Variants in TGM3 observed in about 807,000 individuals in gnomAD.
TGM3 encodes the protein protein-glutamine gamma-glutamyltransferase E.
Under a neutral mutation model 73.8 loss-of-function variants are expected in TGM3, and 52 were observed. The ratio of observed to expected loss-of-function variants is 0.70; its 90% CI spans 0.56 to 0.89. TGM3 has a LOEUF of 0.89. Ranked by LOEUF, TGM3 falls within the 40% of genes least tolerant of loss-of-function variation. The probability of loss-of-function intolerance (pLI) is 0.00; values close to 1 mark genes in which losing one functional copy is unlikely to be tolerated. For synonymous variants in TGM3, 372 were observed against 354.9 expected, an observed-to-expected ratio of 1.05 and a Z score of -0.54; for missense variants, 928 against 909.9, an observed-to-expected ratio of 1.02 and a Z score of -0.26.
At position 2,340,305 on chromosome 20, in the gene TGM3, C is replaced by T. The variant is rs1169584684; in HGVS notation, c.1935-129C>T. 25 of 1,375,830 alleles carry T rather than the reference C, an allele frequency of 1.8e-5. No individual in the cohort carries two copies. In the East Asian group the frequency reaches 5.1e-4, roughly 28 times the overall value. 85.2% of individuals were successfully genotyped at this position (1,375,830 alleles called of 1,614,324 possible). ...GGGGCCCCGTAACCCAGAGAGACAG[C>T]TAGAGGGAGCTAAAGAAGCAGTGGC... On this transcript the variant is annotated intron_variant, in intron 12 of 12. Coordinates refer to ENST00000381458, the MANE Select transcript of TGM3 (RefSeq NM_003245.4).
intron 8 of TGM3, among the ~76,000 whole-genome samples, chr20:2,327,652 T>G (rs1195184008): frequency 6.6e-6 from 1 of 152,152 alleles, no homozygotes. Context: ...CTAAGCTTCC[T>G]ATGCTGAGTG....
chr20:2,299,202 G>C (rs1345875650), intron 1 of TGM3, among the ~76,000 whole-genome samples: 3 of 151,972 alleles, frequency 2.0e-5, no homozygotes, highest in African/African-American at 7.3e-5. Flanking sequence ...TCCACCTCAT[G>C]GGTGCTTACG....
At position 2,340,439 on chromosome 20, in the gene TGM3, C is replaced by G. The variant is rs200294064; in HGVS notation, c.1940C>G (p.Pro647Arg). The G allele has an allele frequency of 3.7e-5, 59 of 1,613,980 alleles. No homozygotes were observed. In the Admixed American group the frequency reaches 9.7e-4, roughly 26 times the overall value. ...LLLGNLKIDV[P>R]TLGPKEGSRV... ...ATCTGTGCCCTCCCCATCAGCGTGCCGACCCTAGGGCCCAAGGAGGGGTCC... is the reference window on the plus strand; with the variant it reads ...ATCTGTGCCCTCCCCATCAGCGTGCGGACCCTAGGGCCCAAGGAGGGGTCC... Residue 647 changes from proline (P) to arginine (R), a missense_variant, in exon 13 of 13, where the codon CCG (proline) becomes CGG (arginine). Pro to Arg is a moderately radical substitution (Grantham distance 103). Transcript: ENST00000381458.
chr20:2,339,925 G>C lies in TGM3; in HGVS notation c.1872G>C (p.Pro624=), dbSNP rs141024326. The C allele has an allele frequency of 2.8e-5, 45 of 1,613,766 alleles. No homozygotes were observed. In the African/African-American group the frequency reaches 5.6e-4, roughly 20 times the overall value. The change falls in exon 12 of 13, where the codon CCG becomes CCC. Residue 624 remains proline (P), a synonymous_variant. Coordinates refer to ENST00000381458, the MANE Select transcript of TGM3 (RefSeq NM_003245.4). The part of the protein sequence containing the change: ...QMLFSNPLDE[P]VRDCVLMVEG... ...TCTTCTCCAATCCACTGGATGAGCC[G>C]GTGAGGGACTGCGTGCTGATGGTGG...
At chr20:2,316,986 C>A in intron 5 of TGM3, 82 bp from the exon 6 acceptor site, 1 of 1,524,358 alleles carries the variant, frequency 6.6e-7, no homozygotes, top group Non-Finnish European at 9.0e-7. Flanking sequence ...ATCTCCCCAC[C>A]TTGTCCTCTG....
At chr20:2,336,391 C>T (rs1600710055) in intron 11 of TGM3, among the ~76,000 whole-genome samples, 1 of 152,112 alleles carries the variant, frequency 6.6e-6, no homozygotes, top group Non-Finnish European at 1.5e-5. Flanking sequence ...CTGTACCCAC[C>T]GTCTGCCCCA....
chr20:2,339,748 C>G, intron 11 of TGM3, 106 bp from the exon 12 acceptor site: 2 of 1,487,446 alleles, frequency 1.3e-6, no homozygotes, highest in South Asian at 2.4e-5. Flanking sequence ...TCTTCATCCT[C>G]AGTGACATCA....
intron 9 of TGM3, among the ~76,000 whole-genome samples, chr20:2,329,933 G>A (rs1483912463): frequency 6.6e-6 from 1 of 152,084 alleles, no homozygotes; most frequent in African/African-American, 2.4e-5. Context: ...TATTTTGCAG[G>A]CGCTGCTTAC....
intron 4 of TGM3, among the ~76,000 whole-genome samples, chr20:2,312,333 G>C (rs1447328135): frequency 1.4e-5 from 2 of 139,158 alleles, no homozygotes; most frequent in Admixed American, 1.7e-4. Flanking sequence ...GGAGGTGGAG[G>C]TCACGATGAG....
In TGM3 at chr20:2,335,194, C is replaced by T. The variant is rs549533086; in HGVS notation, c.1721C>T (p.Ala574Val). 36 of 1,614,226 alleles carry T rather than the reference C, an allele frequency of 2.2e-5. No homozygotes were observed. The highest frequency in any genetic ancestry group is 2.2e-4 in the South Asian group (20 of 91,084). ...TCAGACAACATGATCCGGATCACAG[C>T]GGTGTGCAAGGTCCCAGATGAGTCT... Reference protein sequence around the residue: ...LKSDNMIRITAVCKVPDESEV... With the variant: ...LKSDNMIRITVVCKVPDESEV... The change falls in exon 11 of 13, where the codon GCG (alanine) becomes GTG (valine). Residue 574 changes from alanine (A) to valine (V), a missense_variant. Physicochemically the swap from Ala to Val is moderately conservative, Grantham distance 64. Transcript: ENST00000381458.
chr20:2,340,033 CGGG>C, intron 12 of TGM3, 46 bp downstream of exon 12: 5 of 196,586 alleles, frequency 2.5e-5, no homozygotes, highest in Non-Finnish European at 4.8e-5. Context: ...CGGGAGGGGG[CGGG>C]GGGGCCCTCC....
intron 5 of TGM3, among the ~76,000 whole-genome samples, chr20:2,313,884 A>T (rs2122223907): frequency 6.6e-6 from 1 of 152,172 alleles, no homozygotes; most frequent in African/African-American, 2.4e-5. Context: ...AAAAAAAACT[A>T]GCCAGGCATA....
chr20:2,314,624 G>T (rs2084224005), intron 5 of TGM3, among the ~76,000 whole-genome samples: 1 of 151,772 alleles, frequency 6.6e-6, no homozygotes, highest in African/African-American at 2.4e-5. Context: ...GGGAGGCTGA[G>T]CTGGGGGAAT....
intron 5 of TGM3, among the ~76,000 whole-genome samples, chr20:2,316,182 A>G (rs1193334418): frequency 2.0e-5 from 3 of 152,252 alleles, no homozygotes; most frequent in African/African-American, 7.2e-5. Flanking sequence ...AATTGAATAA[A>G]TGAATGAGTA....
At chr20:2,320,404 G>A (rs1478616362) in intron 7 of TGM3, among the ~76,000 whole-genome samples, 1 of 152,160 alleles carries the variant, frequency 6.6e-6, no homozygotes, top group African/African-American at 2.4e-5. Flanking sequence ...ATTTTTCATG[G>A]ATGAGAAAAC....
intron 7 of TGM3, among the ~76,000 whole-genome samples, chr20:2,322,289 TG>T (rs2084266552): frequency 6.6e-6 from 1 of 152,196 alleles, no homozygotes; most frequent in Non-Finnish European, 1.5e-5. Context: ...CTTTTCTCTC[TG>T]AGTTATTGTT....
chr20:2,311,990 G>C (rs1294409617), intron 4 of TGM3, among the ~76,000 whole-genome samples: 1 of 152,210 alleles, frequency 6.6e-6, no homozygotes, highest in African/African-American at 2.4e-5. Flanking sequence ...TTCTCAGTTT[G>C]AGAAGCAATG....
chr20:2,321,142 G>A (rs545840469), intron 7 of TGM3, among the ~76,000 whole-genome samples: 1 of 152,296 alleles, frequency 6.6e-6, no homozygotes, highest in South Asian at 2.1e-4. Context: ...TTTCAGCCCA[G>A]AAACAACTCA....
At chr20:2,323,425 G>T (rs1174885513) in intron 7 of TGM3, among the ~76,000 whole-genome samples, 1 of 152,082 alleles carries the variant, frequency 6.6e-6, no homozygotes, top group Admixed American at 6.6e-5. Context: ...CCATTCCATG[G>T]CTCTGCCACC....
Sources: gnomAD v4.1 joint callset for allele counts (sites outside exome capture counted in the v4.1 genomes callset) on GRCh38, gnomAD v4.1.1 for gene constraint, MANE v1.5 for transcripts, NCBI Gene and HGNC (gene_info 2026-07-23, HGNC 2026-07-21) for gene names.